CNN3: variants seen among roughly 807,000 people sequenced by gnomAD.
The protein encoded by CNN3 is calponin-3.
CNN3 carries 11 observed loss-of-function variants against 39.0 expected under a neutral mutation model. The ratio of observed to expected loss-of-function variants is 0.28; its 90% confidence interval spans 0.18 to 0.47. The LOEUF is 0.47. Ranked by LOEUF, CNN3 falls within the 20% of genes least tolerant of loss-of-function variation. The pLI is 0.99. For missense variants in CNN3, 266 were observed against 403.4 expected (o/e 0.66, Z 2.92); for synonymous variants, 101 against 138.3 (o/e 0.73, Z 1.89).
chr1:94,920,142 C>T (rs1490915930), intron 1 of CNN3, among the ~76,000 whole-genome samples: 1 of 152,206 alleles, frequency 6.6e-6, no homozygotes, highest in Non-Finnish European at 1.5e-5. Flanking sequence ...GCCCGGTAAG[C>T]AAGACCTCTA....
At chr1:94,903,351 C>T (rs1286397577) in intron 2 of CNN3, 52 bp downstream of exon 2, 1 of 1,548,556 alleles carries the variant, frequency 6.5e-7, no homozygotes, top group African/African-American at 1.4e-5. Flanking sequence ...AGAGAGAAGG[C>T]TGTGGAAAGA....
chr1:94,923,717 T>TA (rs1261833579), intron 1 of CNN3, among the ~76,000 whole-genome samples: 2 of 152,172 alleles, frequency 1.3e-5, no homozygotes, highest in African/African-American at 4.8e-5. Flanking sequence ...CAAAAGGTAT[T>TA]AATACAAACC....
rs538671297 is a variant in CNN3, at chr1:94,900,761, G to A, written c.501+908C>T. ...TTCCATGACCAGTGAAGAGAACAAT[G>A]AAGAGAAGGAAAACATCTGAACTAC... On this transcript the variant is annotated intron_variant, in intron 5 of 6. Coordinates refer to ENST00000370206, the MANE Select transcript of CNN3 (RefSeq NM_001839.5). Among the ~76,000 whole-genome samples, 8 of 152,274 alleles carry A rather than the reference G, an allele frequency of 5.3e-5. No homozygotes were observed. In the East Asian group the frequency reaches 1.5e-3, roughly 29 times the overall value.
rs1414020164 is a variant in CNN3, at chr1:94,926,925, T to TG, written c.-32dup. On this transcript the variant is annotated 5_prime_UTR_variant, in exon 1 of 7. Coordinates refer to ENST00000370206, the MANE Select transcript of CNN3 (RefSeq NM_001839.5). This position sits in a 1 kb window ranked among gnomAD's most constrained non-coding sequence, Gnocchi z 4.2. ...TTCGGGCGGCGGGAAGAGACAGCGC[T>TG]GGGGTCCGGGGTCTCTCGCACTTCG... 4 of 1,603,694 alleles carry TG rather than the reference T, an allele frequency of 2.5e-6. No individual in the cohort carries two copies. Among genetic ancestry groups the TG allele is most frequent in the Admixed American group, 1.7e-5 (1 of 59,422 alleles).
rs543879733 is a variant in CNN3 at position 94,926,773 on chromosome 1, G to C, written c.57+65C>G. The C allele has an allele frequency of 9.2e-6, 14 of 1,528,564 alleles. No individual in the cohort carries two copies. The highest frequency in any genetic ancestry group is 1.7e-4 in the Middle Eastern group (1 of 5,934). The allele number at this position is 1,528,564 out of a possible 1,614,324, so 94.7% of individuals were successfully genotyped here. A position where few individuals can be genotyped will look rare whatever the true frequency, so the allele number is the denominator to read the frequency against. ...ACAGCGCGAAGAGCAAACGAAGCAC[G>C]GCCCAGCGCCAGGCCAGCCCAAGGG... On this transcript the variant is annotated intron_variant, in intron 1 of 6. Coordinates refer to ENST00000370206, the MANE Select transcript of CNN3 (RefSeq NM_001839.5). This position sits in a 1 kb window ranked among gnomAD's most constrained non-coding sequence, Gnocchi z 4.2.
At chr1:94,921,288 G>T (rs559976432) in intron 1 of CNN3, among the ~76,000 whole-genome samples, 7 of 152,104 alleles carry the variant, frequency 4.6e-5, no homozygotes, top group Non-Finnish European at 8.8e-5. Flanking sequence ...CCAGCTACTC[G>T]GGAGGCTAAG....
chr1:94,907,076 G>A (rs886454306), intron 1 of CNN3, among the ~76,000 whole-genome samples: 3 of 152,148 alleles, frequency 2.0e-5, no homozygotes, highest in Admixed American at 6.6e-5. Flanking sequence ...CCAATGAGTG[G>A]TTGTGGGGGG....
At chr1:94,902,038 G>T in intron 4 of CNN3, 83 bp downstream of exon 4, 2 of 1,246,424 alleles carry the variant, frequency 1.6e-6, no homozygotes, top group Middle Eastern at 1.9e-4. Context: ...CACCTGGTCT[G>T]AACCCCCATG....
intron 3 of CNN3, 55 bp from the exon 4 acceptor site, chr1:94,902,313 T>C: frequency 6.7e-7 from 1 of 1,496,820 alleles, no homozygotes; most frequent in Non-Finnish European, 9.1e-7. Context: ...CATTCATAAT[T>C]TCTAAGAATT....
intron 1 of CNN3, among the ~76,000 whole-genome samples, chr1:94,910,973 CCT>C (rs1164155539): frequency 6.6e-6 from 1 of 152,198 alleles, no homozygotes; most frequent in African/African-American, 2.4e-5. Flanking sequence ...CTGGTTCCTG[CCT>C]CTCTGTCTTT....
At chr1:94,900,538 T>A (rs1270803087) in intron 5 of CNN3, among the ~76,000 whole-genome samples, 1 of 152,224 alleles carries the variant, frequency 6.6e-6, no homozygotes, top group Non-Finnish European at 1.5e-5. Flanking sequence ...TACACTTTGC[T>A]TTTATGGAGT....
rs1235385604 is a variant in CNN3, at chr1:94,897,785, T to G, written c.947A>C (p.Tyr316Ser). 1 of 1,614,036 alleles carries G rather than the reference T, an allele frequency of 6.2e-7. No individual in the cohort carries two copies. The highest frequency in any genetic ancestry group is 2.2e-5 in the East Asian group (1 of 44,900). ...GTCGCTATATTGGTAATCTCTGGGG[T>G]AGTCATCCTGGTACTCGCCATGATA... ...DEYHGEYQDDYPRDYQYSDQG... is the reference protein window; with the variant it reads ...DEYHGEYQDDSPRDYQYSDQG... The change falls in exon 7 of 7, where the codon TAC becomes TCC. Residue 316 changes from tyrosine (Y) to serine (S), a missense_variant. Coordinates refer to ENST00000370206, the MANE Select transcript of CNN3 (RefSeq NM_001839.5).
At chr1:94,918,571 A>G (rs541525780) in intron 1 of CNN3, among the ~76,000 whole-genome samples, 7 of 150,684 alleles carry the variant, frequency 4.6e-5, no homozygotes, top group Non-Finnish European at 7.4e-5. Context: ...AGGAATCCTT[A>G]GTTCCAAAGC....
At chr1:94,909,467 C>A (rs911809534) in intron 1 of CNN3, among the ~76,000 whole-genome samples, 5 of 152,160 alleles carry the variant, frequency 3.3e-5, no homozygotes, top group South Asian at 2.1e-4. Flanking sequence ...TCTCTCCCCC[C>A]ACAAATCACA....
chr1:94,911,976 G>A (rs1225029207), intron 1 of CNN3, among the ~76,000 whole-genome samples: 2 of 152,114 alleles, frequency 1.3e-5, no homozygotes, highest in Admixed American at 6.5e-5. Flanking sequence ...TGAGGCAGGA[G>A]AATCGCTTGA....
intron 2 of CNN3, 104 bp from the exon 3 acceptor site, chr1:94,903,292 A>G (rs369426255): frequency 1.9e-6 from 3 of 1,549,072 alleles, no homozygotes; most frequent in South Asian, 1.2e-5. Context: ...AGCATTAAAG[A>G]TATCTGTAGA....
rs1671610025 is a variant in CNN3, at chr1:94,927,075, T to C, written c.-181A>G. 7.0e-6 allele frequency: 4 copies of C among 573,490 alleles called. No individual in the cohort carries two copies. In the South Asian group the frequency reaches 9.2e-5, roughly 13 times the overall value. The allele number at this position is 573,490 out of a possible 1,614,324, so 35.5% of individuals were successfully genotyped here. A position where few individuals can be genotyped will look rare whatever the true frequency, so the allele number is the denominator to read the frequency against. Reference sequence around the variant, plus strand: ...TGGGCGACTGGGTCCAACTGGGTGCTACAGAGCCTCGAGCTCCGCTGCGAA... The same window carrying C: ...TGGGCGACTGGGTCCAACTGGGTGCCACAGAGCCTCGAGCTCCGCTGCGAA... On this transcript the variant is annotated 5_prime_UTR_variant, in exon 1 of 7. Coordinates refer to ENST00000370206, the MANE Select transcript of CNN3 (RefSeq NM_001839.5).
chr1:94,912,979 A>AC (rs756625704), intron 1 of CNN3, among the ~76,000 whole-genome samples: 8 of 152,168 alleles, frequency 5.3e-5, no homozygotes, highest in Non-Finnish European at 1.2e-4. Flanking sequence ...GGTGATGTGT[A>AC]CCTCAATGTT....
At chr1:94,913,619 T>C (rs1287733148) in intron 1 of CNN3, among the ~76,000 whole-genome samples, 1 of 152,058 alleles carries the variant, frequency 6.6e-6, no homozygotes, top group Middle Eastern at 3.4e-3. Flanking sequence ...GTAAACTAGG[T>C]GGGGAAGGGA....
Sources: gnomAD v4.1 joint callset for allele counts (sites outside exome capture counted in the v4.1 genomes callset) on GRCh38, gnomAD v4.1.1 for gene constraint, Gnocchi (gnomAD v3.1) non-coding constraint, MANE v1.5 for transcripts, NCBI Gene and HGNC (gene_info 2026-07-23, HGNC 2026-07-21) for gene names.